ENPEP: variants seen among roughly 807,000 people sequenced by gnomAD.
The protein encoded by ENPEP is glutamyl aminopeptidase.
A neutral mutation model predicts 114.5 loss-of-function variants in ENPEP; 103 were observed. That is an observed-to-expected ratio of 0.90 (90% CI 0.77 to 1.06). ENPEP has a LOEUF of 1.06. ENPEP is among the 50% of genes least tolerant of loss of function. The pLI is 0.00. For synonymous variants in ENPEP, 420 were observed against 422.0 expected, an observed-to-expected ratio of 1.00 and a Z score of 0.06; for missense variants, 1,196 against 1,161.3, an observed-to-expected ratio of 1.03 and a Z score of -0.43.
intron 3 of ENPEP, chr4:110,506,351 G>A (rs1399377075): frequency 1.4e-5 from 4 of 291,848 alleles, no homozygotes; most frequent in Non-Finnish European, 2.5e-5. Flanking sequence ...TTTTTCAAAT[G>A]TCTGGGACAT....
At chr4:110,488,216 T>C (rs948743900) in intron 1 of ENPEP, among the ~76,000 whole-genome samples, 6 of 152,222 alleles carry the variant, frequency 3.9e-5, no homozygotes, top group Non-Finnish European at 7.3e-5. Flanking sequence ...CATAATTGGA[T>C]TTATTTTTGC....
At chr4:110,513,578 A>G (rs1436194207) in intron 7 of ENPEP, 29 bp downstream of exon 7, 1 of 1,609,520 alleles carries the variant, frequency 6.2e-7, no homozygotes, top group African/African-American at 1.3e-5. Flanking sequence ...TGTTTTGAAC[A>G]TCTTCCTGTT....
intron 7 of ENPEP, 60 bp downstream of exon 7, chr4:110,513,609 G>T: frequency 1.3e-6 from 2 of 1,586,444 alleles, no homozygotes; most frequent in South Asian, 2.3e-5. Context: ...TCTTTTAGTG[G>T]ATACCTAAAA....
Position 110,506,700 on chromosome 4 carries a change from A to G in ENPEP, c.982A>G (p.Ser328Gly), listed in dbSNP as rs780935723. Residue 328 changes from serine to glycine, a missense_variant, in exon 4 of 20, where the codon AGT becomes GGT. Physicochemically the swap from Ser to Gly is moderately conservative, Grantham distance 56. Transcript: ENST00000265162. ...CGAATATGCTGCAAACATAACTAAA[A>G]GTGTGTTTGATTATTTTGAAGAATA... is the stretch of plus-strand genomic sequence containing the variant. ...TAEYAANITK[S>G]VFDYFEEYFA... 2 of 1,610,732 alleles carry G rather than the reference A, an allele frequency of 1.2e-6. No individual in the cohort carries two copies. The highest frequency in any genetic ancestry group is 3.3e-5 in the Admixed American group (2 of 59,944).
At chr4:110,500,752 A>T (rs150464272) in intron 3 of ENPEP, among the ~76,000 whole-genome samples, 1 of 152,322 alleles carries the variant, frequency 6.6e-6, no homozygotes, top group Non-Finnish European at 1.5e-5. Flanking sequence ...TAAAGCAAGC[A>T]CATAAACTAG....
chr4:110,477,190 G>T (rs1354160515), intron 1 of ENPEP, 132 bp downstream of exon 1: 1 of 1,309,952 alleles, frequency 7.6e-7, no homozygotes, highest in Admixed American at 2.9e-5. Flanking sequence ...TTTCAATTCT[G>T]GCTGTCCATC....
intron 7 of ENPEP, among the ~76,000 whole-genome samples, chr4:110,514,495 C>T (rs969254109): frequency 9.9e-5 from 15 of 152,008 alleles, no homozygotes; most frequent in East Asian, 3.9e-4. Context: ...ATGAAAATTT[C>T]GAATCCACTT....
chr4:110,553,845 G>T (rs1414686018), intron 18 of ENPEP, among the ~76,000 whole-genome samples: 2 of 151,978 alleles, frequency 1.3e-5, no homozygotes, highest in African/African-American at 2.4e-5. Flanking sequence ...TCAAATTAGA[G>T]TTCTATATCA....
At chr4:110,540,713 A>T (rs1726816648) in intron 11 of ENPEP, among the ~76,000 whole-genome samples, 1 of 152,188 alleles carries the variant, frequency 6.6e-6, no homozygotes, top group Non-Finnish European at 1.5e-5. Flanking sequence ...ATTGCCAGGA[A>T]CTTCTCAACG....
chr4:110,508,593 C>G (rs946923266), intron 4 of ENPEP, among the ~76,000 whole-genome samples: 1 of 152,164 alleles, frequency 6.6e-6, no homozygotes, highest in East Asian at 1.9e-4. Context: ...GGGTGGATCA[C>G]GAGGTCAGGA....
chr4:110,535,833 A>G (rs540912449), intron 11 of ENPEP, among the ~76,000 whole-genome samples: 1 of 152,352 alleles, frequency 6.6e-6, no homozygotes, highest in South Asian at 2.1e-4. Context: ...CTGAAAAAAT[A>G]CAAAGTTAGC....
chr4:110,476,467 ATGTGGCCATT>A lies in ENPEP; in HGVS notation c.54_63del (p.Val19SerfsTer8), dbSNP rs774344833. ...AAGAGATACTGCATTCAAACGAAAC[ATGTGGCCATT>A]CTCTGTGCGGTGGTGGTGGGTGTAG... is the stretch of plus-strand genomic sequence containing the variant. On this transcript the variant is annotated frameshift_variant, in exon 1 of 20. Coordinates refer to ENST00000265162, the MANE Select transcript of ENPEP (RefSeq NM_001977.4). LOFTEE classifies it high-confidence loss of function. The A allele has an allele frequency of 6.4e-7, 1 of 1,554,516 alleles. No individual in the cohort carries two copies.
At chr4:110,531,407 A>G in intron 11 of ENPEP, 130 bp downstream of exon 11, 1 of 658,744 alleles carries the variant, frequency 1.5e-6, no homozygotes, top group Non-Finnish European at 2.2e-6. Context: ...TAAATAATTT[A>G]TTGATGATTC....
At chr4:110,497,282 T>G (rs529919028) in intron 3 of ENPEP, among the ~76,000 whole-genome samples, 1 of 152,314 alleles carries the variant, frequency 6.6e-6, no homozygotes, top group Non-Finnish European at 1.5e-5. Context: ...GAATTTGATT[T>G]CTAGAACATT....
intron 17 of ENPEP, 113 bp from the exon 18 acceptor site, chr4:110,553,201 GT>G: frequency 1.1e-6 from 1 of 934,392 alleles, no homozygotes; most frequent in Non-Finnish European, 1.5e-6. Context: ...AACTTTGTCA[GT>G]TGATACCTCA....
intron 3 of ENPEP, among the ~76,000 whole-genome samples, chr4:110,491,932 C>T (rs1382874602): frequency 6.7e-6 from 1 of 149,946 alleles, no homozygotes; most frequent in Admixed American, 6.7e-5. Flanking sequence ...TATTGGCCAG[C>T]CTTGTCTCTA....
Position 110,513,467 on chromosome 4 carries a change from T to C in ENPEP, c.1361T>C (p.Leu454Ser), listed in dbSNP as rs757654433. ...TTACCTGTTCAAGAGGATGATTCTTTGATGTCTTCGCATCCAATTATTGTG... is the reference window on the plus strand; with the variant it reads ...TTACCTGTTCAAGAGGATGATTCTTCGATGTCTTCGCATCCAATTATTGTG... ...DVLPVQEDDSLMSSHPIIVTV... is the reference protein window; with the variant it reads ...DVLPVQEDDSSMSSHPIIVTV... The change falls in exon 7 of 20, where the codon TTG becomes TCG. Residue 454 changes from leucine to serine, a missense_variant. Leu to Ser is a moderately radical substitution (Grantham distance 145). Coordinates refer to ENST00000265162, the MANE Select transcript of ENPEP (RefSeq NM_001977.4). The C allele has an allele frequency of 9.3e-6, 15 of 1,613,448 alleles. No homozygotes were observed. The highest frequency in any genetic ancestry group is 1.6e-4 in the Middle Eastern group (1 of 6,080).
chr4:110,504,405 G>A (rs1725282517), intron 3 of ENPEP, among the ~76,000 whole-genome samples: 1 of 152,154 alleles, frequency 6.6e-6, no homozygotes. Flanking sequence ...TACCATTGCA[G>A]CAGCCATGGC....
intron 4 of ENPEP, 107 bp downstream of exon 4, chr4:110,506,864 G>C (rs1398974481): frequency 2.4e-5 from 25 of 1,035,458 alleles, no homozygotes; most frequent in Middle Eastern, 3.2e-4. Context: ...TTATCCTTAA[G>C]TCCTTTTATT....
Sources: allele counts gnomAD v4.1 joint callset (sites outside exome capture counted in the v4.1 genomes callset), GRCh38; gene constraint gnomAD v4.1.1; transcripts MANE v1.5; gene names NCBI Gene and HGNC (gene_info 2026-07-23, HGNC 2026-07-21).